DLG5: variants seen among roughly 807,000 people sequenced by gnomAD.
The protein encoded by DLG5 is disks large homolog 5.
In DLG5, 48 loss-of-function variants were observed where a neutral mutation model predicts 189.8. The ratio of observed to expected loss-of-function variants is 0.25; its 90% CI spans 0.20 to 0.32. The LOEUF (loss-of-function observed/expected upper bound fraction) is 0.32, where lower values mean the gene tolerates loss of function less well. DLG5 is among the 10% of genes least tolerant of loss of function. DLG5 has a pLI of 1.00. For missense variants in DLG5, 2,160 were observed against 2,544.7 expected, an observed-to-expected ratio of 0.85 and a Z score of 3.25; for synonymous variants, 1,016 against 1,054.1, an observed-to-expected ratio of 0.96 and a Z score of 0.70.
intron 13 of DLG5, among the ~76,000 whole-genome samples, chr10:77,827,933 G>A (rs922265607): frequency 6.6e-6 from 1 of 152,096 alleles, no homozygotes; most frequent in African/African-American, 2.4e-5. Context: ...CTTCTAAATG[G>A]GGGCAGGGAC....
chr10:77,829,193 G>A (rs114890301), intron 12 of DLG5, among the ~76,000 whole-genome samples, 162 bp downstream of exon 12: 1,895 of 152,242 alleles, frequency 0.012, 38 homozygotes, highest in African/African-American at 0.044. Context: ...CAAGACTCAG[G>A]GCCCAGACCA....
intron 5 of DLG5, among the ~76,000 whole-genome samples, chr10:77,851,756 G>C (rs1032617548): frequency 6.6e-6 from 1 of 152,190 alleles, no homozygotes; most frequent in Non-Finnish European, 1.5e-5. Context: ...TTTTTCAACA[G>C]AAGCAAGTTT....
chr10:77,915,478 T>C (rs776632066), intron 1 of DLG5, among the ~76,000 whole-genome samples: 11 of 152,218 alleles, frequency 7.2e-5, no homozygotes, highest in Non-Finnish European at 1.5e-4. Context: ...AACACTGATG[T>C]CGCAAGATGC....
chr10:77,795,015 T>C (rs1437801896), intron 29 of DLG5, 57 bp from the exon 30 acceptor site: 2 of 1,451,816 alleles, frequency 1.4e-6, no homozygotes, highest in African/African-American at 1.4e-5. Context: ...GCCAGCCCCC[T>C]GTCCTGCCAC....
intron 6 of DLG5, among the ~76,000 whole-genome samples, chr10:77,842,460 C>T (rs1199299547): frequency 1.3e-5 from 2 of 152,240 alleles, no homozygotes; most frequent in Non-Finnish European, 2.9e-5. Context: ...GCATATTTCT[C>T]CCACAGTCAA....
chr10:77,797,312 G>C (rs1017165610), intron 27 of DLG5, among the ~76,000 whole-genome samples: 1 of 152,214 alleles, frequency 6.6e-6, no homozygotes, highest in African/African-American at 2.4e-5. Context: ...CTTGCAGGGA[G>C]ACACAGTCTA....
intron 1 of DLG5, among the ~76,000 whole-genome samples, chr10:77,871,217 G>A (rs960244598): frequency 2.6e-5 from 4 of 152,116 alleles, no homozygotes; most frequent in East Asian, 1.9e-4. Context: ...AGCAGCGGGT[G>A]GATGCTGGAG....
At chr10:77,892,380 C>T (rs1845635458) in intron 1 of DLG5, among the ~76,000 whole-genome samples, 1 of 152,196 alleles carries the variant, frequency 6.6e-6, no homozygotes, top group African/African-American at 2.4e-5. Context: ...TGGAATGCAA[C>T]AGCCTCCTCC....
Position 77,821,454 on chromosome 10 carries a change from C to A in DLG5, c.3030G>T (p.Leu1010=). 2 of 1,611,700 alleles carry A rather than the reference C, an allele frequency of 1.2e-6. No homozygotes were observed. The highest frequency in any genetic ancestry group is 2.2e-5 in the South Asian group (2 of 91,042). The stretch of plus-strand genomic sequence containing the variant: ...TCCTTCTGGGAGGTTTTGGGGGTGT[C>A]AGAGGCCCCGCCCTCTTGGAGGGCT... ...SPQPSKRAGP[L]TPPKPPRRSD... Residue 1010 remains leucine (L), a synonymous_variant, in exon 15 of 32, where the codon CTG becomes CTT. Transcript: ENST00000372391.
intron 1 of DLG5, among the ~76,000 whole-genome samples, chr10:77,920,965 G>A (rs1404359596): frequency 6.6e-6 from 1 of 152,198 alleles, no homozygotes; most frequent in Non-Finnish European, 1.5e-5. Flanking sequence ...ATGATACACA[G>A]ATAAAATCTG....
At chr10:77,858,481 C>CCAAAAAA (rs919490437) in intron 2 of DLG5, among the ~76,000 whole-genome samples, 18 of 151,860 alleles carry the variant, frequency 1.2e-4, no homozygotes, top group African/African-American at 4.3e-4. Flanking sequence ...GCAAAAAATA[C>CCAAAAAA]CAAAAAATTA....
chr10:77,933,862 A>G, the DLG5 span, among the ~76,000 whole-genome samples: 1 of 151,824 alleles, frequency 6.6e-6, no homozygotes, highest in Non-Finnish European at 1.5e-5. Flanking sequence ...GGACTTCACA[A>G]ATGTGATTAA....
chr10:77,823,557 G>T (rs1383911954), intron 14 of DLG5, among the ~76,000 whole-genome samples: 4 of 144,116 alleles, frequency 2.8e-5, no homozygotes, highest in Admixed American at 7.1e-5. Context: ...TGAGACAGAG[G>T]TTCGCTCTTA....
At position 77,856,742 on chromosome 10, in the gene DLG5, G is replaced by A. The variant is rs560383837; in HGVS notation, c.524C>T (p.Ala175Val). The change falls in exon 3 of 32, where the codon GCC (alanine) becomes GTC (valine). Residue 175 changes from alanine (A) to valine (V), a missense_variant. Ala to Val is a moderately conservative substitution (Grantham distance 64). Coordinates refer to ENST00000372391, the MANE Select transcript of DLG5 (RefSeq NM_004747.4). ...GCGCAATTACTACCTCTTGTCAAAGGCCGTGCCATGCGTAGCAAAGGCCAG... is the reference window on the plus strand; with the variant it reads ...GCGCAATTACTACCTCTTGTCAAAGACCGTGCCATGCGTAGCAAAGGCCAG... ...KRLAFATHGT[A>V]FDKRPYHRLN... is the part of the protein sequence containing the mutation. 6.2e-7 allele frequency: 1 copy of A among 1,613,254 alleles called. No individual in the cohort carries two copies. The highest frequency in any genetic ancestry group is 1.3e-5 in the African/African-American group (1 of 75,016).
intron 2 of DLG5, among the ~76,000 whole-genome samples, chr10:77,859,834 C>T (rs1844402741): frequency 6.6e-6 from 1 of 152,224 alleles, no homozygotes; most frequent in South Asian, 2.1e-4. Context: ...GCGGTGAGGC[C>T]AGGGGTCAGC....
At chr10:77,937,989 A>AT in the DLG5 span, among the ~76,000 whole-genome samples, 1 of 148,386 alleles carries the variant, frequency 6.7e-6, no homozygotes, top group Non-Finnish European at 1.5e-5. Flanking sequence ...AAGTGCTGGG[A>AT]TTACAGGCGT....
chr10:77,918,031 A>C (rs935019301), intron 1 of DLG5, among the ~76,000 whole-genome samples: 1 of 143,946 alleles, frequency 6.9e-6, no homozygotes, highest in African/African-American at 2.5e-5. Flanking sequence ...AAAAAAAAAC[A>C]AAAAACAAAA....
intron 1 of DLG5, among the ~76,000 whole-genome samples, chr10:77,903,435 A>T (rs922979918): frequency 7.3e-5 from 11 of 151,644 alleles, no homozygotes; most frequent in Non-Finnish European, 1.6e-4. Context: ...CTCAAAAAAA[A>T]AAATAAAAAA....
chr10:77,899,287 C>T lies in DLG5; in HGVS notation c.304+26930G>A, dbSNP rs368496752. Among the ~76,000 whole-genome samples the T allele has an allele frequency of 1.1e-4, 17 of 152,222 alleles. No homozygotes were observed. In the East Asian group the frequency reaches 1.9e-3, roughly 17 times the overall value. ...CAACACACCCTGCTGCAGCGTTCTT[C>T]CTTGTGGGCAATGGAAATCTGCCAG... On this transcript the variant is annotated intron_variant, in intron 1 of 31. Transcript: ENST00000372391.
Sources: allele counts gnomAD v4.1 joint callset (sites outside exome capture counted in the v4.1 genomes callset), GRCh38; gene constraint gnomAD v4.1.1; transcripts MANE v1.5; gene names NCBI Gene and HGNC (gene_info 2026-07-23, HGNC 2026-07-21).